NECAB2: variants seen among roughly 807,000 people sequenced by gnomAD.
NECAB2 encodes the protein N-terminal EF-hand calcium binding protein 2, also known as N-terminal EF-hand calcium-binding protein 2.
NECAB2 carries 68 observed loss-of-function variants against 51.9 expected under a neutral mutation model. The ratio of observed to expected loss-of-function variants is 1.31; its 90% CI spans 1.08 to 1.60. The LOEUF is 1.60. NECAB2 is among the 40% of genes most tolerant of loss of function. The pLI, the probability that NECAB2 is intolerant of heterozygous loss-of-function variation, is 0.00. For missense variants in NECAB2, 854 were observed against 490.3 expected, an observed-to-expected ratio of 1.74 and a Z score of -7.00; for synonymous variants, 329 against 203.5, an observed-to-expected ratio of 1.62 and a Z score of -5.25.
intron 6 of NECAB2, among the ~76,000 whole-genome samples, chr16:83,992,395 T>A (rs945996050): frequency 1.0e-5 from 1 of 99,666 alleles, no homozygotes; most frequent in Non-Finnish European, 1.8e-5. Flanking sequence ...CCCACCTCCA[T>A]TTGCTGTTTC....
intron 11 of NECAB2, 56 bp downstream of exon 11, chr16:84,000,857 G>C: frequency 6.4e-7 from 1 of 1,567,186 alleles, no homozygotes; most frequent in Non-Finnish European, 8.8e-7. Context: ...TGGGGGGGCT[G>C]TCTTCCTGGA....
intron 6 of NECAB2, 65 bp downstream of exon 6, chr16:83,990,695 C>T: frequency 6.3e-7 from 1 of 1,581,190 alleles, no homozygotes; most frequent in Non-Finnish European, 8.6e-7. Context: ...TGCCCACCTG[C>T]TGCTTGGTGG....
intron 10 of NECAB2, 62 bp downstream of exon 10, chr16:83,998,379 A>AGG: frequency 8.6e-6 from 13 of 1,507,984 alleles, no homozygotes; most frequent in Non-Finnish European, 1.2e-5. Flanking sequence ...GCAGTGGAGG[A>AGG]ACAGGGCAGG....
chr16:84,002,278 A>T (rs2084853027), intron 12 of NECAB2, 40 bp from the exon 13 acceptor site: 1 of 1,611,880 alleles, frequency 6.2e-7, no homozygotes, highest in Non-Finnish European at 8.5e-7. Context: ...GGCTGCCCAC[A>T]TTCGCACTCC....
At chr16:83,972,002 C>G (rs565481124) in intron 1 of NECAB2, 149 bp from the exon 2 acceptor site, 9 of 1,045,740 alleles carry the variant, frequency 8.6e-6, no homozygotes, top group Non-Finnish European at 1.3e-5. Flanking sequence ...GATCCCAGCC[C>G]GGGGAGGGGG....
chr16:83,988,016 A>T (rs1422734995), intron 5 of NECAB2, among the ~76,000 whole-genome samples: 1 of 152,224 alleles, frequency 6.6e-6, no homozygotes, highest in East Asian at 1.9e-4. Context: ...TCTCATTTAA[A>T]TTCTAACTTG....
At position 83,971,972 on chromosome 16, in the gene NECAB2, T is replaced by A. The variant is rs3803644; in HGVS notation, c.202-179T>A. 1,056 of 773,690 alleles carry A rather than the reference T, an allele frequency of 1.4e-3. 12 individuals carry two copies. The highest frequency in any genetic ancestry group is 0.013 in the East Asian group (492 of 37,210). The allele number at this position is 773,690 out of a possible 1,614,324, so 47.9% of individuals were successfully genotyped here. A position where few individuals can be genotyped will look rare whatever the true frequency, so the allele number is the denominator to read the frequency against. On this transcript the variant is annotated intron_variant, in intron 1 of 12. Transcript: ENST00000305202. ...GAGGGGAGGGCCTCTGTCTGCAACA[T>A]CCCTCATCAGTTCCCCCTGGATCCC...
intron 8 of NECAB2, among the ~76,000 whole-genome samples, chr16:83,995,967 G>A (rs1352705418): frequency 6.6e-6 from 1 of 152,226 alleles, no homozygotes; most frequent in Non-Finnish European, 1.5e-5. Flanking sequence ...CAACCAGGCT[G>A]GCTGGTAACC....
chr16:83,991,498 C>T (rs528023795), intron 6 of NECAB2, among the ~76,000 whole-genome samples: 5 of 151,310 alleles, frequency 3.3e-5, no homozygotes, highest in South Asian at 4.2e-4. Flanking sequence ...TCCCTAGTAG[C>T]TGGGATTACA....
chr16:83,983,520 T>C (rs542444148), intron 5 of NECAB2, among the ~76,000 whole-genome samples: 17 of 152,354 alleles, frequency 1.1e-4, no homozygotes, highest in African/African-American at 3.8e-4. Flanking sequence ...ATTCCCTTTT[T>C]TCCATTTTGT....
rs2084445784 is a variant in NECAB2, at chr16:83,978,547, C to A, written c.330C>A (p.Asn110Lys). The part of the protein sequence containing the change: ...EDLFHTIDSD[N>K]TNHVDTKELC... Reference sequence around the variant, plus strand: ...TCTTTCACACGATTGACTCTGACAACACCAAGTGAGCTTCAGTCCTGGCTG... The same window carrying A: ...TCTTTCACACGATTGACTCTGACAAAACCAAGTGAGCTTCAGTCCTGGCTG... The change falls in exon 3 of 13, where the codon AAC becomes AAA. Residue 110 changes from asparagine to lysine, a missense_variant. Physicochemically the swap from Asn to Lys is moderately conservative, Grantham distance 94. Coordinates refer to ENST00000305202, the MANE Select transcript of NECAB2 (RefSeq NM_019065.3). 1 of 1,612,336 alleles carries A rather than the reference C, an allele frequency of 6.2e-7. No homozygotes were observed. The highest frequency in any genetic ancestry group is 1.3e-5 in the African/African-American group (1 of 74,802).
upstream of NECAB2, chr16:83,965,334 G>A (rs369392211): frequency 5.8e-5 from 91 of 1,573,862 alleles, no homozygotes; most frequent in African/African-American, 1.1e-4. Context: ...AGCCCGGCCC[G>A]GCTGGGCATC....
In NECAB2 at chr16:84,002,499, G is replaced by GC; in HGVS notation, c.*157dup. Reference sequence around the variant, plus strand: ...TCCCTGTTGTTAAGTGAAGGAGGCCGCCCCTGCCCCCACCTGAGAAGGCAG... The same window carrying GC: ...TCCCTGTTGTTAAGTGAAGGAGGCCGCCCCCTGCCCCCACCTGAGAAGGCAG... On this transcript the variant is annotated 3_prime_UTR_variant, in exon 13 of 13. Coordinates refer to ENST00000305202, the MANE Select transcript of NECAB2 (RefSeq NM_019065.3). 1 of 969,604 alleles carries GC rather than the reference G, an allele frequency of 1.0e-6. No individual in the cohort carries two copies. The highest frequency in any genetic ancestry group is 1.6e-5 in the African/African-American group (1 of 61,144). 60.1% of individuals were successfully genotyped at this position (969,604 alleles called of 1,614,324 possible).
intron 5 of NECAB2, among the ~76,000 whole-genome samples, chr16:83,982,209 G>T: frequency 6.6e-6 from 1 of 151,196 alleles, no homozygotes; most frequent in East Asian, 1.9e-4. Flanking sequence ...ATGCTTCTCA[G>T]TTAGTGACCG....
intron 6 of NECAB2, among the ~76,000 whole-genome samples, chr16:83,993,194 A>G (rs2151096778): frequency 6.6e-6 from 1 of 152,084 alleles, no homozygotes; most frequent in South Asian, 2.1e-4. Flanking sequence ...CCAGGATGTC[A>G]CCTCTAGCAC....
intron 5 of NECAB2, among the ~76,000 whole-genome samples, chr16:83,981,480 G>A (rs184863912): frequency 1.5e-3 from 221 of 149,216 alleles, no homozygotes; most frequent in African/African-American, 5.2e-3. Context: ...GGGGTGGGGC[G>A]TGGTGGGGGG....
chr16:83,965,489 C>T (rs761233616), upstream of NECAB2: 2 of 1,610,924 alleles, frequency 1.2e-6, no homozygotes, highest in Admixed American at 1.7e-5. Context: ...CTACGCCCGC[C>T]ACTACAACAT....
chr16:84,001,307 C>A (rs374373004), intron 11 of NECAB2, among the ~76,000 whole-genome samples: 1 of 151,768 alleles, frequency 6.6e-6, no homozygotes, highest in African/African-American at 2.4e-5. Context: ...ATTGCTGATG[C>A]GCCAGACCCC....
chr16:84,000,612 T>C lies in NECAB2; in HGVS notation c.963-112T>C, dbSNP rs1276360761. 1.0e-5 allele frequency: 8 copies of C among 771,580 alleles called. No individual in the cohort carries two copies. The Admixed American group carries it at 1.2e-4, about 11-fold the overall frequency. The allele number at this position is 771,580 out of a possible 1,614,324, so 47.8% of individuals were successfully genotyped here. On this transcript the variant is annotated intron_variant, in intron 10 of 12. Coordinates refer to ENST00000305202, the MANE Select transcript of NECAB2 (RefSeq NM_019065.3). ...ATGGAGGTCAAGACAGGAAGAAACA[T>C]TGAAGGCAGCCGTTGTGTATAGTGG...
Sources: gnomAD v4.1 joint callset for allele counts (sites outside exome capture counted in the v4.1 genomes callset) on GRCh38, gnomAD v4.1.1 for gene constraint, MANE v1.5 for transcripts, NCBI Gene and HGNC (gene_info 2026-07-23, HGNC 2026-07-21) for gene names.